The following MYO10 variants were observed in gnomAD, a reference collection of about 807,000 sequenced individuals.
The protein encoded by MYO10 is unconventional myosin-X.
MYO10 carries 133 observed loss-of-function variants against 257.3 expected under a neutral mutation model. The observed-to-expected ratio is 0.52, with a 90% CI of 0.45 to 0.60. The LOEUF is 0.60. Among genes scored for constraint, MYO10 ranks in the 20% least tolerant of loss-of-function variants. The pLI, the probability that MYO10 is intolerant of heterozygous loss-of-function variation, is 0.00. For missense variants in MYO10, 2,399 were observed against 2,635.7 expected, an observed-to-expected ratio of 0.91 and a Z score of 1.97; for synonymous variants, 1,104 against 1,028.6, an observed-to-expected ratio of 1.07 and a Z score of -1.40.
intron 19 of MYO10, among the ~76,000 whole-genome samples, 176 bp from the exon 20 acceptor site, chr5:16,711,421 G>T (rs1029919671): frequency 6.6e-6 from 1 of 152,110 alleles, no homozygotes; most frequent in Admixed American, 6.6e-5. Context: ...CCATCACCTC[G>T]CCTTAACAAC....
chr5:16,681,460 T>G lies in MYO10; in HGVS notation c.4233A>C (p.Ser1411=). 1 of 1,613,818 alleles carries G rather than the reference T, an allele frequency of 6.2e-7. No homozygotes were observed. Among genetic ancestry groups the G allele is most frequent in the Non-Finnish European group, 8.5e-7 (1 of 1,179,842 alleles). The change falls in exon 32 of 41, where the codon TCA becomes TCC. Residue 1411 remains serine, a synonymous_variant. Coordinates refer to ENST00000513610, the MANE Select transcript of MYO10 (RefSeq NM_012334.3). ...CAAACCACCGTTTCTTCAGTTTCAG[T>G]GAAGACATCTTTGGACTGTTCTTCA... ...KEVKNSPKMS[S]LKLKKRWFVL...
chr5:16,899,997 CAAAAAAAAAAAA>C (rs60443560), intron 1 of MYO10, among the ~76,000 whole-genome samples: 2 of 88,282 alleles, frequency 2.3e-5, no homozygotes, highest in African/African-American at 9.7e-5. Context: ...GATGCTGTCT[CAAAAAAAAAAAA>C]AAAAAAAAAA....
At position 16,672,717 on chromosome 5, in the gene MYO10, C is replaced by A; in HGVS notation, c.5281G>T (p.Val1761Leu). ...TCAAACTTGGCTAAGACATCAGCTACGACGGTTCGACTTTCAATGGCTTTG... is the reference window on the plus strand; with the variant it reads ...TCAAACTTGGCTAAGACATCAGCTAAGACGGTTCGACTTTCAATGGCTTTG... Reference protein sequence around the residue: ...VDKAIESRTVVADVLAKFEKL... With the variant: ...VDKAIESRTVLADVLAKFEKL... Residue 1761 changes from valine to leucine, a missense_variant, in exon 37 of 41, where the codon GTA (valine) becomes TTA (leucine). Transcript: ENST00000513610. The A allele has an allele frequency of 6.2e-7, 1 of 1,614,034 alleles. No homozygotes were observed. Among genetic ancestry groups the A allele is most frequent in the South Asian group, 1.1e-5 (1 of 91,084 alleles).
intron 2 of MYO10, among the ~76,000 whole-genome samples, chr5:16,838,421 A>G (rs1015177493): frequency 6.6e-6 from 1 of 152,234 alleles, no homozygotes; most frequent in African/African-American, 2.4e-5. Context: ...GCCAAAGCTT[A>G]ATCCAGAGCA....
At chr5:16,691,834 G>A (rs964840902) in intron 27 of MYO10, among the ~76,000 whole-genome samples, 2 of 152,174 alleles carry the variant, frequency 1.3e-5, no homozygotes, top group South Asian at 2.1e-4. Flanking sequence ...ACCTGAACTC[G>A]ATCACTCTCT....
chr5:16,936,030 C>T lies in MYO10; in HGVS notation c.-222G>A, dbSNP rs1343835293. ...CCCGTCCCGACGGCAGCCTTTGTCTCTTCTTCCTCCAAGTTCCTCACTACT... is the reference window on the plus strand; with the variant it reads ...CCCGTCCCGACGGCAGCCTTTGTCTTTTCTTCCTCCAAGTTCCTCACTACT... On this transcript the variant is annotated 5_prime_UTR_variant, in exon 1 of 41. Coordinates refer to ENST00000513610, the MANE Select transcript of MYO10 (RefSeq NM_012334.3). The T allele has an allele frequency of 1.0e-5, 6 of 592,698 alleles. No homozygotes were observed. Among genetic ancestry groups the T allele is most frequent in the East Asian group, 2.9e-5 (1 of 34,420 alleles). 36.7% of individuals were successfully genotyped at this position (592,698 alleles called of 1,614,324 possible).
At position 16,763,549 on chromosome 5, in the gene MYO10, T is replaced by C; in HGVS notation, c.1428-2A>G. On this transcript the variant is annotated splice_acceptor_variant, in intron 13 of 40. Coordinates refer to ENST00000513610, the MANE Select transcript of MYO10 (RefSeq NM_012334.3). LOFTEE classifies it high-confidence loss of function. ...ATATCTTCCCACACTAATCCTTCCC[T>C]GTAGAAAGATTTTAAACAGCCAAGT... 6.2e-7 allele frequency: 1 copy of C among 1,609,964 alleles called. No individual in the cohort carries two copies. The highest frequency in any genetic ancestry group is 1.1e-5 in the South Asian group (1 of 90,964).
intron 2 of MYO10, among the ~76,000 whole-genome samples, chr5:16,850,534 C>T (rs1204558168): frequency 6.6e-6 from 1 of 152,038 alleles, no homozygotes; most frequent in Non-Finnish European, 1.5e-5. Flanking sequence ...CCTCGGCCTC[C>T]CAAAGTGCTG....
chr5:16,677,883 C>T (rs570473341), intron 33 of MYO10, among the ~76,000 whole-genome samples: 97 of 152,134 alleles, frequency 6.4e-4, no homozygotes, highest in Non-Finnish European at 1.1e-3. Context: ...GCCTCAGCCT[C>T]CCAAGTAGCT....
chr5:16,754,947 T>G (rs1740485307), intron 18 of MYO10, 39 bp from the exon 19 acceptor site: 8 of 1,365,044 alleles, frequency 5.9e-6, no homozygotes, highest in Non-Finnish European at 8.1e-6. Flanking sequence ...TCTCTTATTA[T>G]GTCATTCTTT....
chr5:16,806,605 G>A (rs1018233261), intron 3 of MYO10, among the ~76,000 whole-genome samples: 1 of 150,288 alleles, frequency 6.7e-6, no homozygotes, highest in Non-Finnish European at 1.5e-5. Context: ...CCAAGATAGT[G>A]CCACTGCACT....
Position 16,701,345 on chromosome 5 carries a change from T to C in MYO10, c.3050A>G (p.Asp1017Gly). 1 of 1,613,914 alleles carries C rather than the reference T, an allele frequency of 6.2e-7. No homozygotes were observed. The highest frequency in any genetic ancestry group is 8.5e-7 in the Non-Finnish European group (1 of 1,179,830). Residue 1017 changes from aspartate (D) to glycine (G), a missense_variant, in exon 25 of 41, where the codon GAC becomes GGC. Around this residue, in one of 3 missense-constraint regions of MYO10, gnomAD observed 1,820 missense variants for 1,939.4 expected, o/e 0.94. Coordinates refer to ENST00000513610, the MANE Select transcript of MYO10 (RefSeq NM_012334.3). The surrounding 1 kb of genome is among the most constrained non-coding windows in gnomAD (Gnocchi z 8.1). ...GGTCCGGATGCCACTTGTTCGCTGG[T>C]CTGAGTGGCCGTGCTCGCTGGGGTT... ...SPNPSEHGHS[D>G]QRTSGIRTSD...
chr5:16,840,580 T>C (rs1271051718), intron 2 of MYO10, among the ~76,000 whole-genome samples: 2 of 152,078 alleles, frequency 1.3e-5, no homozygotes, highest in Non-Finnish European at 2.9e-5. Flanking sequence ...ATGACTCTTA[T>C]GACTACCAGG....
At chr5:16,766,851 C>T (rs1342806447) in intron 10 of MYO10, among the ~76,000 whole-genome samples, 2 of 147,292 alleles carry the variant, frequency 1.4e-5, no homozygotes, top group Non-Finnish European at 3.0e-5. Flanking sequence ...CTCACTGCAA[C>T]CTCCGCCTCC....
Position 16,668,300 on chromosome 5 carries a change from C to T in MYO10, c.6052G>A (p.Glu2018Lys). 2 of 1,613,100 alleles carry T rather than the reference C, an allele frequency of 1.2e-6. No homozygotes were observed. Among genetic ancestry groups the T allele is most frequent in the Non-Finnish European group, 1.7e-6 (2 of 1,179,552 alleles). The change falls in exon 40 of 41, where the codon GAG becomes AAG. Residue 2018 changes from glutamate (E) to lysine (K), a missense_variant. Physicochemically the swap from Glu to Lys is moderately conservative, Grantham distance 56 (BLOSUM62 1). This residue lies in a region of MYO10 where 1,820 missense variants were observed against 1,939.4 expected (regional missense o/e 0.94). Transcript: ENST00000513610. ...ACCTCACTGGTTTCAAAGAGCAGCT[C>T]CCTCTCATCGACCACGATCTTATAC... ...NTYKIVVDER[E>K]LLFETSEVVD...
At chr5:16,719,457 C>T (rs560042759) in intron 19 of MYO10, among the ~76,000 whole-genome samples, 115 of 152,266 alleles carry the variant, frequency 7.6e-4, no homozygotes, top group African/African-American at 2.6e-3. Flanking sequence ...CATGTGACAA[C>T]GTATATAATA....
At chr5:16,916,458 T>TC (rs537349177) in intron 1 of MYO10, 81 of 173,286 alleles carry the variant, frequency 4.7e-4, no homozygotes, top group Non-Finnish European at 7.2e-4. Context: ...TTGCTTTTTT[T>TC]CTCCTCTTGC....
intron 3 of MYO10, among the ~76,000 whole-genome samples, chr5:16,800,042 C>T (rs1380385740): frequency 1.3e-5 from 2 of 152,150 alleles, no homozygotes; most frequent in African/African-American, 2.4e-5. Flanking sequence ...AAAAAGCACA[C>T]GGTTCGAGAG....
In MYO10 at chr5:16,681,370, G is replaced by A. The variant is rs772245669; in HGVS notation, c.4323C>T (p.Thr1441=). 2 of 1,613,832 alleles carry A rather than the reference G, an allele frequency of 1.2e-6. No homozygotes were observed. Among genetic ancestry groups the A allele is most frequent in the African/African-American group, 2.7e-5 (2 of 74,912 alleles). The change falls in exon 32 of 41, where the codon ACC becomes ACT. Residue 1441 remains threonine (T), a synonymous_variant. Coordinates refer to ENST00000513610, the MANE Select transcript of MYO10 (RefSeq NM_012334.3). The stretch of plus-strand genomic sequence containing the variant: ...CAGAGCAGAGGCTGTTGAGGACCAG[G>A]GTCCCCAGTTTGAGCGCGTTCTTCT... ...SSEKNALKLG[T]LVLNSLCSVV...
Sources: allele counts gnomAD v4.1 joint callset (sites outside exome capture counted in the v4.1 genomes callset), GRCh38; gene constraint gnomAD v4.1.1; regional missense constraint gnomAD v4.1.1; non-coding constraint Gnocchi (gnomAD v3.1); transcripts MANE v1.5; gene names NCBI Gene and HGNC (gene_info 2026-07-23, HGNC 2026-07-21).